Variants in MPDU1 observed in about 807,000 individuals in gnomAD.
MPDU1 encodes the protein mannose-P-dolichol utilization defect 1 protein.
Under a neutral mutation model 27.6 loss-of-function variants are expected in MPDU1, and 18 were observed. That is an observed-to-expected ratio of 0.65 (90% CI 0.45 to 0.97). The LOEUF is 0.97. Ranked by LOEUF, MPDU1 falls within the 50% of genes least tolerant of loss-of-function variation. MPDU1 has a pLI of 0.00. For missense variants in MPDU1, 279 were observed against 297.4 expected (o/e 0.94, Z 0.46); for synonymous variants, 142 against 131.1 (o/e 1.08, Z -0.57).
At position 7,587,785 on chromosome 17, in the gene MPDU1, C is replaced by T. The variant is rs530076129; in HGVS notation, c.*234C>T. The T allele has an allele frequency of 9.4e-6, 6 of 638,426 alleles. No individual in the cohort carries two copies. The highest frequency in any genetic ancestry group is 7.2e-5 in the African/African-American group (4 of 55,872). The allele number at this position is 638,426 out of a possible 1,614,324, so 39.5% of individuals were successfully genotyped here. A position where few individuals can be genotyped will look rare whatever the true frequency, so the allele number is the denominator to read the frequency against. ...CAAAATTTTGACATTTGAGTGCTTT[C>T]GTAAGCCCTGTACATGTACTATTAA... On this transcript the variant is annotated 3_prime_UTR_variant, in exon 7 of 7. Transcript: ENST00000250124.
chr17:7,587,320 T>A (rs2071601722), intron 6 of MPDU1, 49 bp downstream of exon 6: 2 of 1,612,710 alleles, frequency 1.2e-6, no homozygotes, highest in Non-Finnish European at 1.7e-6. Context: ...TCGTCTTACT[T>A]CTCCCAGCTA....
chr17:7,585,595 C>T, intron 1 of MPDU1, 137 bp from the exon 2 acceptor site: 4 of 778,366 alleles, frequency 5.1e-6, no homozygotes, highest in Non-Finnish European at 8.9e-6. Flanking sequence ...TTCTCACTGC[C>T]CTCCGCCTCT....
In MPDU1 at chr17:7,584,067, T is replaced by C. The variant is rs577725500; in HGVS notation, c.103+102T>C. On this transcript the variant is annotated intron_variant, in intron 1 of 6. Coordinates refer to ENST00000250124, the MANE Select transcript of MPDU1 (RefSeq NM_004870.4). ...TAAGTGACGGCAGTGACTGCCGCCATGCCGAGCTGGACGGAAGTCACTTCT... is the reference window on the plus strand; with the variant it reads ...TAAGTGACGGCAGTGACTGCCGCCACGCCGAGCTGGACGGAAGTCACTTCT... 691 of 1,178,948 alleles carry C rather than the reference T, an allele frequency of 5.9e-4. 5 individuals carry two copies. In the East Asian group the frequency reaches 0.012, roughly 20 times the overall value. The allele number at this position is 1,178,948 out of a possible 1,614,324, so 73.0% of individuals were successfully genotyped here.
chr17:7,584,104 A>G, intron 1 of MPDU1, 139 bp downstream of exon 1: 1 of 865,804 alleles, frequency 1.2e-6, no homozygotes, highest in Non-Finnish European at 1.9e-6. Flanking sequence ...AGAAGGGCGG[A>G]AGTGTCTCGG....
rs764899656 is a variant in MPDU1 at position 7,587,538 on chromosome 17, A to G, written c.731A>G (p.Lys244Arg). Residue 244 changes from lysine (K) to arginine (R), a missense_variant, in exon 7 of 7, where the codon AAA (lysine) becomes AGA (arginine). By Grantham distance (26) the Lys-to-Arg change is conservative. Transcript: ENST00000250124. ...AATGCAAAGCCTCCCCACAAGCAGA[A>G]AAAGGCGCAGTAGAGCCAGCTACTG... ...YWNAKPPHKQKKAQ is the reference protein window; with the variant it reads ...YWNAKPPHKQRKAQ The G allele has an allele frequency of 3.1e-6, 5 of 1,613,424 alleles. No homozygotes were observed. Among genetic ancestry groups the G allele is most frequent in the Non-Finnish European group, 4.2e-6 (5 of 1,179,912 alleles).
chr17:7,585,591 C>G (rs1597863136), intron 1 of MPDU1, 141 bp from the exon 2 acceptor site: 1 of 742,418 alleles, frequency 1.3e-6, no homozygotes, highest in East Asian at 2.6e-5. Flanking sequence ...GACTTTCTCA[C>G]TGCCCTCCGC....
At chr17:7,586,644 G>C in intron 3 of MPDU1, 48 bp from the exon 4 acceptor site, 1 of 1,551,022 alleles carries the variant, frequency 6.4e-7, no homozygotes, top group Non-Finnish European at 8.9e-7. Flanking sequence ...GGCTTTCCCT[G>C]CCTCTTTCTA....
Position 7,583,871 on chromosome 17 carries a change from C to T in MPDU1, c.9C>T (p.Ala3=), listed in dbSNP as rs2071535117. 2.5e-6 allele frequency: 4 copies of T among 1,614,060 alleles called. No homozygotes were observed. The highest frequency in any genetic ancestry group is 3.4e-6 in the Non-Finnish European group (4 of 1,180,026). The change falls in exon 1 of 7, where the codon GCC becomes GCT. Residue 3 remains alanine (A), a synonymous_variant. Coordinates refer to ENST00000250124, the MANE Select transcript of MPDU1 (RefSeq NM_004870.4). MA[A]EADGPLKRLL... is the part of the protein sequence containing the mutation. ...GAAGCTAGCTTTGCAATATGGCGGC[C>T]GAGGCGGACGGACCGCTTAAACGGC...
Position 7,585,715 on chromosome 17 carries a change from C to T in MPDU1, c.104-17C>T, listed in dbSNP as rs2071571351. 1.9e-6 allele frequency: 3 copies of T among 1,613,728 alleles called. No individual in the cohort carries two copies. In the South Asian group the frequency reaches 3.3e-5, roughly 18 times the overall value. ...TTCAGACATCTCCTGTCTGCTTACC[C>T]TTTTTTCTCTCCTCAGTCCCCTGCC... On this transcript the variant is annotated splice_polypyrimidine_tract_variant and intron_variant, in intron 1 of 6. Coordinates refer to ENST00000250124, the MANE Select transcript of MPDU1 (RefSeq NM_004870.4).
intron 1 of MPDU1, among the ~76,000 whole-genome samples, chr17:7,584,673 C>A (rs909151426): frequency 1.3e-5 from 2 of 152,132 alleles, no homozygotes; most frequent in South Asian, 4.1e-4. Context: ...TGAGTAGGGG[C>A]CAGGGACAGT....
Position 7,587,828 on chromosome 17 carries a change from GCCT to G in MPDU1, c.*285_*287del, listed in dbSNP as rs368564787. 12 of 561,750 alleles carry G rather than the reference GCCT, an allele frequency of 2.1e-5. No individual in the cohort carries two copies. Among genetic ancestry groups the G allele is most frequent in the South Asian group, 1.2e-4 (8 of 65,494 alleles). 34.8% of individuals were successfully genotyped at this position (561,750 alleles called of 1,614,324 possible). On this transcript the variant is annotated 3_prime_UTR_variant, in exon 7 of 7. Transcript: ENST00000250124. ...ACTATTAATTCAGTCATTCAGCCAA[GCCT>G]CCTCCTCTAGCAGCAATTTCCAGCT...
rs1347569923 is a variant in MPDU1, at chr17:7,587,906, G to A, written c.*355G>A. 2.0e-6 allele frequency: 1 copy of A among 488,826 alleles called. No individual in the cohort carries two copies. The highest frequency in any genetic ancestry group is 1.5e-5 in the South Asian group (1 of 64,792). 30.3% of individuals were successfully genotyped at this position (488,826 alleles called of 1,614,324 possible). On this transcript the variant is annotated 3_prime_UTR_variant, in exon 7 of 7. Transcript: ENST00000250124. ...TTTTACCCTGTCCTCCAGCCTCCCT[G>A]CTTCCCTTCTGGCCCTGGAAGACTG...
In MPDU1 at chr17:7,588,030, A is replaced by C; in HGVS notation, c.*479A>C. The C allele has an allele frequency of 2.0e-6, 1 of 495,980 alleles. No homozygotes were observed. Among genetic ancestry groups the C allele is most frequent in the Non-Finnish European group, 3.9e-6 (1 of 254,986 alleles). 30.7% of individuals were successfully genotyped at this position (495,980 alleles called of 1,614,324 possible). On this transcript the variant is annotated 3_prime_UTR_variant, in exon 7 of 7. Coordinates refer to ENST00000250124, the MANE Select transcript of MPDU1 (RefSeq NM_004870.4). The stretch of plus-strand genomic sequence containing the variant: ...CCGGACCCCAGTGCTGGGGTGGGGG[A>C]AGGGGGACGGAGAATGACTCAGGCA...
intron 1 of MPDU1, among the ~76,000 whole-genome samples, 191 bp from the exon 2 acceptor site, chr17:7,585,537 CAAAA>C (rs35027440): frequency 2.7e-5 from 1 of 36,390 alleles, no homozygotes; most frequent in African/African-American, 6.0e-5. Context: ...ACTCTGTCTC[CAAAA>C]AAAAAAAAAA....
chr17:7,586,836 C>G lies in MPDU1; in HGVS notation c.388+59C>G, dbSNP rs1198985328. 3.7e-6 allele frequency: 6 copies of G among 1,611,786 alleles called. No individual in the cohort carries two copies. The highest frequency in any genetic ancestry group is 5.1e-6 in the Non-Finnish European group (6 of 1,178,052). ...GTTCCTGGGAACCCTGCTGGGAACTCAGGTCTGGGAAAGCCAAATGATGTG... is the reference window on the plus strand; with the variant it reads ...GTTCCTGGGAACCCTGCTGGGAACTGAGGTCTGGGAAAGCCAAATGATGTG... On this transcript the variant is annotated intron_variant, in intron 4 of 6. Transcript: ENST00000250124.
Position 7,586,019 on chromosome 17 carries a change from G to A in MPDU1, c.243G>A (p.Leu81=), listed in dbSNP as rs770337171. Residue 81 remains leucine, a synonymous_variant, in exon 3 of 7, where the codon CTG becomes CTA. Coordinates refer to ENST00000250124, the MANE Select transcript of MPDU1 (RefSeq NM_004870.4). The stretch of plus-strand genomic sequence containing the variant: ...GGTTGAGTCTCCAGTCTGTAATGCT[G>A]GAGCTAGTGGCATTGACTGGGACCA... ...AEGLSLQSVM[L]ELVALTGTMV... is the part of the protein sequence containing the mutation. 6 of 1,614,108 alleles carry A rather than the reference G, an allele frequency of 3.7e-6. No individual in the cohort carries two copies. Among genetic ancestry groups the A allele is most frequent in the Non-Finnish European group, 5.1e-6 (6 of 1,180,028 alleles).
At position 7,587,609 on chromosome 17, in the gene MPDU1, C is replaced by A; in HGVS notation, c.*58C>A. On this transcript the variant is annotated 3_prime_UTR_variant, in exon 7 of 7. Transcript: ENST00000250124. ...ATTCACCCAACCTCAGGGTTCTCCCCATCTGAGCCAGCCTGCTGGTGTGAC... is the reference window on the plus strand; with the variant it reads ...ATTCACCCAACCTCAGGGTTCTCCCAATCTGAGCCAGCCTGCTGGTGTGAC... 6.2e-7 allele frequency: 1 copy of A among 1,610,524 alleles called. No individual in the cohort carries two copies. The highest frequency in any genetic ancestry group is 8.5e-7 in the Non-Finnish European group (1 of 1,177,742).
At chr17:7,585,885 G>A (rs765308018) in intron 2 of MPDU1, 61 bp from the exon 3 acceptor site, 37 of 1,612,944 alleles carry the variant, frequency 2.3e-5, no homozygotes, top group Middle Eastern at 1.6e-4. Flanking sequence ...TTCTATAGCT[G>A]TTGTGTTGCA....
chr17:7,586,076 C>A lies in MPDU1; in HGVS notation c.300C>A (p.Phe100Leu), dbSNP rs148277451. ...ACAGCATCACTAACAACTTCCCATTCAGGTGAGGGGCCCACCCTTCCACCC... is the reference window on the plus strand; with the variant it reads ...ACAGCATCACTAACAACTTCCCATTAAGGTGAGGGGCCCACCCTTCCACCC... ...MVYSITNNFP[F>L]SSWGEALFLM... is the part of the protein sequence containing the mutation. The change falls in exon 3 of 7, where the codon TTC becomes TTA. Residue 100 changes from phenylalanine to leucine, a missense_variant and splice_region_variant. Physicochemically the swap from Phe to Leu is conservative, Grantham distance 22 (BLOSUM62 0). Transcript: ENST00000250124. 7.4e-6 allele frequency: 12 copies of A among 1,613,380 alleles called. No individual in the cohort carries two copies. The African/African-American group carries it at 1.2e-4, about 16-fold the overall frequency.
Sources: allele counts gnomAD v4.1 joint callset (sites outside exome capture counted in the v4.1 genomes callset), GRCh38; gene constraint gnomAD v4.1.1; transcripts MANE v1.5; gene names NCBI Gene and HGNC (gene_info 2026-07-23, HGNC 2026-07-21).